Variants in TRAPPC9 observed in about 807,000 individuals in gnomAD.
The protein encoded by TRAPPC9 is trafficking protein particle complex subunit 9.
TRAPPC9 carries 83 observed loss-of-function variants against 124.0 expected under a neutral mutation model. That is an observed-to-expected ratio of 0.67 (90% CI 0.56 to 0.80). The LOEUF is 0.80. TRAPPC9 is among the 30% of genes least tolerant of loss of function. The probability of loss-of-function intolerance (pLI) is 0.00; values close to 1 mark genes in which losing one functional copy is unlikely to be tolerated. For synonymous variants in TRAPPC9, 638 were observed against 617.5 expected, an observed-to-expected ratio of 1.03 and a Z score of -0.49; for missense variants, 1,302 against 1,508.3, an observed-to-expected ratio of 0.86 and a Z score of 2.27.
chr8:140,125,435 C>T (rs1176733101), intron 17 of TRAPPC9, among the ~76,000 whole-genome samples: 5 of 152,130 alleles, frequency 3.3e-5, no homozygotes, highest in African/African-American at 1.2e-4. Flanking sequence ...TCATTGCTAA[C>T]TGGCATGGAA....
chr8:139,757,663 G>T (rs1819943795), intron 21 of TRAPPC9, among the ~76,000 whole-genome samples: 1 of 152,008 alleles, frequency 6.6e-6, no homozygotes, highest in African/African-American at 2.4e-5. Flanking sequence ...TCTAGAGGGA[G>T]TCCCCCCAGC....
At chr8:139,777,249 A>T (rs1821455317) in intron 21 of TRAPPC9, among the ~76,000 whole-genome samples, 1 of 152,220 alleles carries the variant, frequency 6.6e-6, no homozygotes, top group Admixed American at 6.5e-5. Flanking sequence ...CTCCTTAGGG[A>T]CAGGGCTGAG....
rs78076391 is a variant in TRAPPC9, at chr8:140,351,323, G to A, written c.1495+8727C>T. Among the ~76,000 whole-genome samples the A allele has an allele frequency of 3.3e-3, 492 of 150,900 alleles. 2 individuals are homozygous for A. Among genetic ancestry groups the A allele is most frequent in the African/African-American group, 0.011 (462 of 41,258 alleles). On this transcript the variant is annotated intron_variant, in intron 9 of 22. Coordinates refer to ENST00000438773, the MANE Select transcript of TRAPPC9 (RefSeq NM_001160372.4). Reference sequence around the variant, plus strand: ...ACTGAGCCCATGGATTCAACCAACCGAGGATTGAAAATATTTGGGGGAAAA... The same window carrying A: ...ACTGAGCCCATGGATTCAACCAACCAAGGATTGAAAATATTTGGGGGAAAA...
intron 7 of TRAPPC9, among the ~76,000 whole-genome samples, chr8:140,391,800 G>T (rs1346017490): frequency 6.6e-6 from 1 of 151,988 alleles, no homozygotes; most frequent in African/African-American, 2.4e-5. Flanking sequence ...GCCAAGGCAG[G>T]TGGATCACCT....
chr8:139,800,792 C>T (rs1044603056), intron 21 of TRAPPC9, among the ~76,000 whole-genome samples: 1 of 151,650 alleles, frequency 6.6e-6, no homozygotes, highest in Non-Finnish European at 1.5e-5. Context: ...ACCTTCCCTC[C>T]GTCCGGTATC....
rs184041762 is a variant in TRAPPC9 at position 139,741,596 on chromosome 8, C to T, written c.3056-9394G>A. On this transcript the variant is annotated intron_variant, in intron 21 of 22. Transcript: ENST00000438773. The stretch of plus-strand genomic sequence containing the variant: ...GGTTCGTAGTATATTCAGATATGTG[C>T]GACCACAGCCCGTTTTCGAACATCT... 2.8e-4 allele frequency among the ~76,000 whole-genome samples: 43 copies of T among 152,246 alleles called. 1 individual carries two copies. Among genetic ancestry groups the T allele is most frequent in the Non-Finnish European group, 8.8e-5 (6 of 68,026 alleles).
At chr8:139,887,393 G>A (rs576112363) in intron 20 of TRAPPC9, among the ~76,000 whole-genome samples, 1 of 151,886 alleles carries the variant, frequency 6.6e-6, no homozygotes, top group East Asian at 1.9e-4. Context: ...GCTAATTTTT[G>A]TATATTTTTA....
At chr8:139,940,910 C>A (rs77166022) in intron 19 of TRAPPC9, among the ~76,000 whole-genome samples, 2,891 of 152,278 alleles carry the variant, frequency 0.019, 108 homozygotes, top group African/African-American at 0.066. Context: ...GGGAAGGGGA[C>A]AAGGCTGTGG....
intron 19 of TRAPPC9, among the ~76,000 whole-genome samples, chr8:139,976,188 G>C (rs1022376846): frequency 6.6e-6 from 1 of 152,024 alleles, no homozygotes; most frequent in Admixed American, 6.6e-5. Context: ...ACCGCGCCTG[G>C]CCAGGGTTTT....
chr8:140,368,777 C>T (rs1357170311), intron 8 of TRAPPC9, among the ~76,000 whole-genome samples: 3 of 152,186 alleles, frequency 2.0e-5, no homozygotes, highest in Non-Finnish European at 4.4e-5. Flanking sequence ...ACTCAGTCTG[C>T]GTTTTCTCTT....
intron 17 of TRAPPC9, among the ~76,000 whole-genome samples, chr8:140,136,459 C>G (rs1172231694): frequency 6.6e-6 from 1 of 152,116 alleles, no homozygotes. Context: ...CTTCTCGGTA[C>G]CTACCCATGG....
At chr8:140,236,356 T>C (rs921001194) in intron 16 of TRAPPC9, among the ~76,000 whole-genome samples, 2 of 152,248 alleles carry the variant, frequency 1.3e-5, no homozygotes, top group African/African-American at 4.8e-5. Flanking sequence ...GTGCTGGGAT[T>C]GCAGGCGTGA....
chr8:140,129,833 G>A (rs1334015285), intron 17 of TRAPPC9, among the ~76,000 whole-genome samples: 1 of 152,156 alleles, frequency 6.6e-6, no homozygotes, highest in African/African-American at 2.4e-5. Flanking sequence ...ATGGATAGAC[G>A]AATAGAAATG....
chr8:139,747,443 G>A (rs1015125103), intron 21 of TRAPPC9, among the ~76,000 whole-genome samples: 1 of 148,822 alleles, frequency 6.7e-6, no homozygotes, highest in African/African-American at 2.5e-5. Flanking sequence ...AGGTGTCCAG[G>A]GGTCAGAGCA....
At chr8:140,167,667 A>G (rs1484264823) in intron 17 of TRAPPC9, among the ~76,000 whole-genome samples, 4 of 152,258 alleles carry the variant, frequency 2.6e-5, no homozygotes, top group African/African-American at 7.2e-5. Context: ...GAAATGTAAG[A>G]GGAAAGCTCA....
intron 21 of TRAPPC9, among the ~76,000 whole-genome samples, chr8:139,773,154 G>A (rs1821102062): frequency 6.6e-6 from 1 of 152,238 alleles, no homozygotes; most frequent in Non-Finnish European, 1.5e-5. Flanking sequence ...TCACGTGGCT[G>A]CACCTACCCA....
chr8:139,884,109 C>A (rs981511014), intron 21 of TRAPPC9, among the ~76,000 whole-genome samples: 3 of 152,128 alleles, frequency 2.0e-5, no homozygotes, highest in Admixed American at 6.5e-5. Flanking sequence ...CATTTGTAAA[C>A]GTGTCTGGCA....
Position 140,351,982 on chromosome 8 carries a change from C to T in TRAPPC9, c.1495+8068G>A, listed in dbSNP as rs190052097. Among the ~76,000 whole-genome samples, 56 of 152,310 alleles carry T rather than the reference C, an allele frequency of 3.7e-4. No individual in the cohort carries two copies. In the East Asian group the frequency reaches 6.0e-3, roughly 16 times the overall value. ...ACCACCACAATGTACTATTGGAATACCTTCACCGCCTCAACCCCATACCCT... is the reference window on the plus strand; with the variant it reads ...ACCACCACAATGTACTATTGGAATATCTTCACCGCCTCAACCCCATACCCT... On this transcript the variant is annotated intron_variant, in intron 9 of 22. Coordinates refer to ENST00000438773, the MANE Select transcript of TRAPPC9 (RefSeq NM_001160372.4).
chr8:140,147,799 A>G (rs1392310833), intron 17 of TRAPPC9, among the ~76,000 whole-genome samples: 1 of 152,238 alleles, frequency 6.6e-6, no homozygotes, highest in East Asian at 1.9e-4. Context: ...TACAGATGAC[A>G]CTGGAGCCGA....
Sources: gnomAD v4.1 joint callset for allele counts (sites outside exome capture counted in the v4.1 genomes callset) on GRCh38, gnomAD v4.1.1 for gene constraint, MANE v1.5 for transcripts, NCBI Gene and HGNC (gene_info 2026-07-23, HGNC 2026-07-21) for gene names.